The following R3HDM1 variants were observed in gnomAD, a reference collection of about 807,000 sequenced individuals.
R3HDM1 encodes the protein R3H domain-containing protein 1.
In R3HDM1, 46 loss-of-function variants were observed where a neutral mutation model predicts 141.1. The ratio of observed to expected loss-of-function variants is 0.33; its 90% confidence interval spans 0.26 to 0.42. The LOEUF (loss-of-function observed/expected upper bound fraction) is 0.42, where lower values mean the gene tolerates loss of function less well. R3HDM1 is among the 10% of genes least tolerant of loss of function. The probability of loss-of-function intolerance (pLI) is 1.00; values close to 1 mark genes in which losing one functional copy is unlikely to be tolerated. For missense variants in R3HDM1, 1,184 were observed against 1,368.3 expected (o/e 0.87, Z 2.12); for synonymous variants, 435 against 472.9 (o/e 0.92, Z 1.04).
intron 16 of R3HDM1, among the ~76,000 whole-genome samples, chr2:135,649,632 C>T (rs1432340656): frequency 2.0e-5 from 3 of 152,130 alleles, no homozygotes; most frequent in East Asian, 3.9e-4. Context: ...TCACCTGTTC[C>T]CGTTAATCTA....
chr2:135,554,723 C>T (rs1314130709), intron 1 of R3HDM1, among the ~76,000 whole-genome samples: 1 of 152,058 alleles, frequency 6.6e-6, no homozygotes, highest in East Asian at 1.9e-4. Flanking sequence ...AGGAAAAATG[C>T]CACATGAACA....
In R3HDM1 at chr2:135,567,423, T is replaced by A. The variant is rs576608891; in HGVS notation, c.-249-35077T>A. 8.5e-5 allele frequency among the ~76,000 whole-genome samples: 13 copies of A among 152,326 alleles called. 1 individual carries two copies. The South Asian group carries it at 2.7e-3, about 32-fold the overall frequency. On this transcript the variant is annotated intron_variant, in intron 1 of 26. Transcript: ENST00000683871. ...ACGTACACTCAATAAGCTTTACTTT[T>A]CACTCCCAAAGTGTGACCTTTTACC...
chr2:135,581,509 C>A, intron 1 of R3HDM1: 1 of 615,154 alleles, frequency 1.6e-6, no homozygotes, highest in Non-Finnish European at 2.0e-6. Flanking sequence ...TCTTTCCTCA[C>A]CACTTATTAA....
chr2:135,693,881 T>C (rs1342419500), intron 21 of R3HDM1, among the ~76,000 whole-genome samples: 1 of 152,038 alleles, frequency 6.6e-6, no homozygotes, highest in Non-Finnish European at 1.5e-5. Context: ...GGCACCCGCC[T>C]GTGATCCCAG....
At chr2:135,675,543 A>G (rs777758829) in intron 20 of R3HDM1, 57 bp downstream of exon 20, 32 of 1,493,924 alleles carry the variant, frequency 2.1e-5, no homozygotes, top group Non-Finnish European at 2.7e-5. Flanking sequence ...AATTAAGTGC[A>G]CAACTACAAT....
intron 1 of R3HDM1, among the ~76,000 whole-genome samples, chr2:135,576,696 C>CTACA: frequency 6.6e-6 from 1 of 152,230 alleles, no homozygotes; most frequent in South Asian, 2.1e-4. Flanking sequence ...GTGATACATG[C>CTACA]TACAATGTGG....
chr2:135,676,914 C>T (rs1322962035), intron 20 of R3HDM1, among the ~76,000 whole-genome samples: 2 of 152,100 alleles, frequency 1.3e-5, no homozygotes, highest in Non-Finnish European at 2.9e-5. Context: ...ATAAAATACA[C>T]GTATTTTGTG....
chr2:135,549,974 G>T (rs1391314141), intron 1 of R3HDM1: 8 of 962,994 alleles, frequency 8.3e-6, no homozygotes, highest in South Asian at 4.8e-5. Flanking sequence ...ATTTTCCTTT[G>T]TTCTTTGGTA....
At chr2:135,678,109 C>G (rs1001907765) in intron 20 of R3HDM1, among the ~76,000 whole-genome samples, 1 of 151,998 alleles carries the variant, frequency 6.6e-6, no homozygotes, top group Admixed American at 6.6e-5. Context: ...GGATTACAGG[C>G]GCATGCCACC....
chr2:135,559,201 T>A, intron 1 of R3HDM1: 1 of 274,952 alleles, frequency 3.6e-6, no homozygotes, highest in Non-Finnish European at 5.6e-6. Flanking sequence ...AGTCTCGACC[T>A]TCTGGGCTCA....
intron 16 of R3HDM1, chr2:135,649,253 G>C (rs1487995603): frequency 6.6e-6 from 1 of 151,934 alleles, no homozygotes; most frequent in Non-Finnish European, 1.5e-5. Context: ...TTTTAGTAGA[G>C]ACGGGGTTTC....
intron 21 of R3HDM1, among the ~76,000 whole-genome samples, chr2:135,689,712 C>T (rs1036170482): frequency 6.6e-6 from 1 of 152,134 alleles, no homozygotes; most frequent in African/African-American, 2.4e-5. Flanking sequence ...TGAGCACAGC[C>T]TGATACAAGT....
At chr2:135,628,662 T>C (rs571917147) in intron 7 of R3HDM1, among the ~76,000 whole-genome samples, 1 of 152,304 alleles carries the variant, frequency 6.6e-6, no homozygotes, top group African/African-American at 2.4e-5. Context: ...GTTTCACTCT[T>C]GTTGCCCAGG....
At chr2:135,639,529 AT>A (rs929864982) in intron 14 of R3HDM1, among the ~76,000 whole-genome samples, 2 of 152,150 alleles carry the variant, frequency 1.3e-5, no homozygotes, top group Non-Finnish European at 2.9e-5. Flanking sequence ...TATTGATTGC[AT>A]TTTTTATGAT....
intron 1 of R3HDM1, chr2:135,559,139 C>T (rs542728890): frequency 1.3e-6 from 1 of 790,876 alleles, no homozygotes; most frequent in South Asian, 6.1e-5. Flanking sequence ...GGAGACAGGG[C>T]CTCGCTTGGT....
At chr2:135,566,877 C>A in intron 1 of R3HDM1, 2 of 529,652 alleles carry the variant, frequency 3.8e-6, no homozygotes, top group Non-Finnish European at 4.8e-6. Flanking sequence ...CAGGCTGGGG[C>A]AGAAGAATCA....
At chr2:135,707,537 G>C (rs1188190268) in intron 21 of R3HDM1, among the ~76,000 whole-genome samples, 1 of 152,186 alleles carries the variant, frequency 6.6e-6, no homozygotes, top group Non-Finnish European at 1.5e-5. Flanking sequence ...ATTTAGTAGA[G>C]TATGGGCTAT....
intron 20 of R3HDM1, among the ~76,000 whole-genome samples, chr2:135,676,768 G>A (rs947951906): frequency 3.3e-5 from 5 of 152,186 alleles, no homozygotes; most frequent in African/African-American, 9.6e-5. Flanking sequence ...CTGAGATTAC[G>A]CCACTGCATT....
chr2:135,588,514 G>C (rs969293492), intron 1 of R3HDM1, among the ~76,000 whole-genome samples: 8 of 151,530 alleles, frequency 5.3e-5, no homozygotes, highest in Non-Finnish European at 1.0e-4. Context: ...TAAATTTTTT[G>C]GTGAATTAAT....
Sources: allele counts gnomAD v4.1 joint callset (sites outside exome capture counted in the v4.1 genomes callset), GRCh38; gene constraint gnomAD v4.1.1; transcripts MANE v1.5; gene names NCBI Gene and HGNC (gene_info 2026-07-23, HGNC 2026-07-21).